Variants in CTNND2 observed in about 807,000 individuals in gnomAD.
CTNND2 encodes catenin delta-2.
In CTNND2, 22 loss-of-function variants were observed where a neutral mutation model predicts 144.4. The ratio of observed to expected loss-of-function variants is 0.15; its 90% confidence interval spans 0.11 to 0.22. CTNND2 has a LOEUF of 0.22. Ranked by LOEUF, CTNND2 falls within the 10% of genes least tolerant of loss-of-function variation. CTNND2 has a pLI of 1.00. For synonymous variants in CTNND2, 751 were observed against 695.6 expected (o/e 1.08, Z -1.25); for missense variants, 1,353 against 1,618.8 (o/e 0.84, Z 2.82).
At position 10,988,248 on chromosome 5, in the gene CTNND2, T is replaced by TAAAG; in HGVS notation, c.3212-10_3212-7dup. On this transcript the variant is annotated splice_polypyrimidine_tract_variant and splice_region_variant and intron_variant, in intron 19 of 21. Coordinates refer to ENST00000304623, the MANE Select transcript of CTNND2 (RefSeq NM_001332.4). This position sits in a 1 kb window ranked among gnomAD's most constrained non-coding sequence, Gnocchi z 5.9. The stretch of plus-strand genomic sequence containing the variant: ...AGGTGAAGCTGGGGCACTTGCTACA[T>TAAAG]AAAGAAATCAAAAGGGGGATTTTCT... 6.2e-7 allele frequency: 1 copy of TAAAG among 1,614,114 alleles called. No individual in the cohort carries two copies. The highest frequency in any genetic ancestry group is 2.2e-5 in the East Asian group (1 of 44,880).
chr5:11,424,985 A>G (rs1214011822), intron 3 of CTNND2, among the ~76,000 whole-genome samples: 2 of 152,224 alleles, frequency 1.3e-5, no homozygotes, highest in East Asian at 1.9e-4. Context: ...TCCCTGGAGC[A>G]TAATATACCA....
Position 11,411,516 on chromosome 5 carries a change from A to G in CTNND2, c.439+20T>C, listed in dbSNP as rs112826687. ...TCCTATATTTCAACTATCTTCAAGCATAACTGCCACGTGACTTACTTTCAC... is the reference window on the plus strand; with the variant it reads ...TCCTATATTTCAACTATCTTCAAGCGTAACTGCCACGTGACTTACTTTCAC... On this transcript the variant is annotated intron_variant, in intron 5 of 21. Transcript: ENST00000304623. 1.5e-5 allele frequency: 19 copies of G among 1,252,338 alleles called. No individual in the cohort carries two copies. In the African/African-American group the frequency reaches 1.9e-4, roughly 13 times the overall value. The allele number at this position is 1,252,338 out of a possible 1,614,324, so 77.6% of individuals were successfully genotyped here.
intron 10 of CTNND2, among the ~76,000 whole-genome samples, chr5:11,217,732 G>A (rs1449077640): frequency 3.3e-5 from 5 of 152,214 alleles, no homozygotes; most frequent in Admixed American, 2.6e-4. Context: ...GTGCCTAAGA[G>A]CAAGCCACTA....
At chr5:11,354,672 C>T (rs890360267) in intron 8 of CTNND2, among the ~76,000 whole-genome samples, 1 of 152,112 alleles carries the variant, frequency 6.6e-6, no homozygotes, top group African/African-American at 2.4e-5. Flanking sequence ...ACTTCAACCC[C>T]CCTTTAAGTG....
At chr5:11,150,807 GTAGAGATGGGGTTT>G (rs1757696012) in intron 12 of CTNND2, among the ~76,000 whole-genome samples, 2 of 151,946 alleles carry the variant, frequency 1.3e-5, no homozygotes, top group Admixed American at 1.3e-4. Context: ...TTTATTTTTA[GTAGAGATGGGGTTT>G]CACCATGTTG....
chr5:10,990,853 C>T (rs775493546), intron 19 of CTNND2, among the ~76,000 whole-genome samples: 8 of 152,186 alleles, frequency 5.3e-5, no homozygotes, highest in Non-Finnish European at 7.3e-5. Flanking sequence ...CCTGCCTGCT[C>T]GCGAGAAAAG....
intron 2 of CTNND2, among the ~76,000 whole-genome samples, chr5:11,590,532 T>G (rs1168316355): frequency 6.6e-6 from 1 of 152,054 alleles, no homozygotes; most frequent in Admixed American, 6.6e-5. Context: ...TGTGATAATG[T>G]ACTTTGTGAT....
chr5:11,520,931 G>T (rs1455318444), intron 3 of CTNND2, among the ~76,000 whole-genome samples: 1 of 152,222 alleles, frequency 6.6e-6, no homozygotes, highest in Non-Finnish European at 1.5e-5. Flanking sequence ...GCAACAATGT[G>T]ATTATATAAA....
At chr5:11,387,317 A>G (rs2149803353) in intron 6 of CTNND2, among the ~76,000 whole-genome samples, 1 of 151,670 alleles carries the variant, frequency 6.6e-6, no homozygotes, top group East Asian at 1.9e-4. Context: ...ACTCTGGGGG[A>G]GGGGCTGAGG....
At chr5:11,599,069 G>T (rs966754946) in intron 2 of CTNND2, among the ~76,000 whole-genome samples, 1 of 152,120 alleles carries the variant, frequency 6.6e-6, no homozygotes, top group Non-Finnish European at 1.5e-5. Context: ...GATGTCAAGA[G>T]AACTCTATCA....
At chr5:11,344,947 C>A (rs1282755350) in intron 9 of CTNND2, among the ~76,000 whole-genome samples, 3 of 152,020 alleles carry the variant, frequency 2.0e-5, no homozygotes, top group East Asian at 3.8e-4. Flanking sequence ...AAGCTAAATT[C>A]CTAATATGAA....
At position 11,853,954 on chromosome 5, in the gene CTNND2, T is replaced by C. The variant is rs985665249; in HGVS notation, c.37+49863A>G. Among the ~76,000 whole-genome samples, 9 of 152,234 alleles carry C rather than the reference T, an allele frequency of 5.9e-5. 1 individual carries two copies. The highest frequency in any genetic ancestry group is 3.3e-4 in the Admixed American group (5 of 15,286). On this transcript the variant is annotated intron_variant, in intron 1 of 21. Transcript: ENST00000304623. ...CACTGCTGTCCTGCAGTCTGTTCTC[T>C]ACAGGTTCATCAGACTGATCCAAGT...
chr5:11,663,590 C>G (rs2126577555), intron 2 of CTNND2, among the ~76,000 whole-genome samples: 1 of 152,174 alleles, frequency 6.6e-6, no homozygotes, highest in Non-Finnish European at 1.5e-5. Context: ...AAATTCTTTT[C>G]TTAATTACCA....
chr5:11,384,907 C>T lies in CTNND2; in HGVS notation c.935G>A (p.Ser312Asn). ...GACGATGTTGATGGGCGAGCTGGTG[C>T]TGTAGGACTTGGCCAGGCGGCTGGG... is the stretch of plus-strand genomic sequence containing the variant. ...QSPSRLAKSY[S>N]TSSPINIVVS... The change falls in exon 7 of 22, where the codon AGC (serine) becomes AAC (asparagine). Residue 312 changes from serine to asparagine, a missense_variant. By Grantham distance (46) the Ser-to-Asn change is conservative. Coordinates refer to ENST00000304623, the MANE Select transcript of CTNND2 (RefSeq NM_001332.4). The surrounding 1 kb of genome is among the most constrained non-coding windows in gnomAD (Gnocchi z 5.2). 2 of 1,608,802 alleles carry T rather than the reference C, an allele frequency of 1.2e-6. No individual in the cohort carries two copies. The highest frequency in any genetic ancestry group is 1.7e-6 in the Non-Finnish European group (2 of 1,178,480).
At chr5:11,017,522 C>T (rs1580051338) in intron 18 of CTNND2, among the ~76,000 whole-genome samples, 5 of 150,282 alleles carry the variant, frequency 3.3e-5, no homozygotes, top group East Asian at 3.9e-4. Context: ...TCCTGAATTA[C>T]GTGCTCTGTT....
chr5:11,164,896 A>G (rs1160401484), intron 11 of CTNND2, among the ~76,000 whole-genome samples: 1 of 152,208 alleles, frequency 6.6e-6, no homozygotes, highest in African/African-American at 2.4e-5. Context: ...ATGAAAGCAG[A>G]CACTTGTCTG....
At chr5:11,866,228 A>G (rs780272392) in intron 1 of CTNND2, among the ~76,000 whole-genome samples, 17 of 152,170 alleles carry the variant, frequency 1.1e-4, no homozygotes, top group Non-Finnish European at 1.8e-4. Flanking sequence ...GCTTGAGCCC[A>G]GGAGTTTAAA....
At chr5:11,854,620 T>G (rs961024710) in intron 1 of CTNND2, among the ~76,000 whole-genome samples, 1 of 152,190 alleles carries the variant, frequency 6.6e-6, no homozygotes, top group Admixed American at 6.5e-5. Flanking sequence ...AAACTCTAAT[T>G]TGAAAACTGT....
At chr5:11,410,051 T>G (rs1761389941) in intron 5 of CTNND2, among the ~76,000 whole-genome samples, 1 of 152,122 alleles carries the variant, frequency 6.6e-6, no homozygotes, top group African/African-American at 2.4e-5. Context: ...TCTCCCCGTT[T>G]CCCAACAAGG....
Sources: gnomAD v4.1 joint callset for allele counts (sites outside exome capture counted in the v4.1 genomes callset) on GRCh38, gnomAD v4.1.1 for gene constraint, Gnocchi (gnomAD v3.1) non-coding constraint, MANE v1.5 for transcripts, NCBI Gene and HGNC (gene_info 2026-07-23, HGNC 2026-07-21) for gene names.